CRISP2: variants seen among roughly 807,000 people sequenced by gnomAD.
CRISP2 encodes the protein cysteine-rich secretory protein 2.
CRISP2 carries 29 observed loss-of-function variants against 31.7 expected under a neutral mutation model. The observed-to-expected ratio is 0.92, with a 90% CI of 0.68 to 1.25. CRISP2 has a LOEUF of 1.25. Ranked by LOEUF, CRISP2 falls within the 50% of genes most tolerant of loss-of-function variation. CRISP2 has a pLI of 0.00. For synonymous variants in CRISP2, 111 were observed against 101.4 expected, an observed-to-expected ratio of 1.09 and a Z score of -0.57; for missense variants, 318 against 286.5, an observed-to-expected ratio of 1.11 and a Z score of -0.79.
rs75344936 is a variant in CRISP2, at chr6:49,710,790, T to C, written c.-10+495A>G. On this transcript the variant is annotated intron_variant, in intron 3 of 9. Coordinates refer to ENST00000339139, the MANE Select transcript of CRISP2 (RefSeq NM_003296.4). ...CCTTCTTAACTGTAAAAGAATAAAA[T>C]TAACTTGAGGTCATTCTCAATACAA... is the stretch of plus-strand genomic sequence containing the variant. Among the ~76,000 whole-genome samples the C allele has an allele frequency of 4.5e-3, 679 of 152,266 alleles. 3 individuals are homozygous for C. Among genetic ancestry groups the C allele is most frequent in the Non-Finnish European group, 7.4e-3 (505 of 68,020 alleles).
At chr6:49,692,313 G>A (rs1419395700), downstream of CRISP2, 1 of 152,254 alleles carries the variant, frequency 6.6e-6, no homozygotes, top group African/African-American at 2.4e-5. Flanking sequence ...TTCTTTGTTC[G>A]AAAAGCTGAT....
At chr6:49,682,432 TTC>T in the CRISP2 span, among the ~76,000 whole-genome samples, 1 of 151,952 alleles carries the variant, frequency 6.6e-6, no homozygotes, top group East Asian at 2.0e-4. Context: ...TTTATTTTCT[TTC>T]TCTCTTTCCC....
chr6:49,699,054 G>A (rs1460994001), intron 6 of CRISP2, among the ~76,000 whole-genome samples: 1 of 152,052 alleles, frequency 6.6e-6, no homozygotes, highest in Non-Finnish European at 1.5e-5. Flanking sequence ...GATATCACAA[G>A]CTGAAATCCT....
At position 49,698,517 on chromosome 6, in the gene CRISP2, A is replaced by G. The variant is rs769293163; in HGVS notation, c.272-10T>C. 6.3e-7 allele frequency: 1 copy of G among 1,595,862 alleles called. No individual in the cohort carries two copies. The highest frequency in any genetic ancestry group is 1.9e-5 in the Admixed American group (1 of 53,984). Reference sequence around the variant, plus strand: ...TCACCACATCTTGTACCTAAGGGGCAGATCATTCATGAGCAAGGTAATAAA... The same window carrying G: ...TCACCACATCTTGTACCTAAGGGGCGGATCATTCATGAGCAAGGTAATAAA... On this transcript the variant is annotated splice_polypyrimidine_tract_variant and intron_variant, in intron 6 of 9. Transcript: ENST00000339139.
At chr6:49,677,392 T>G in the CRISP2 span, among the ~76,000 whole-genome samples, 1 of 152,160 alleles carries the variant, frequency 6.6e-6, no homozygotes, top group Non-Finnish European at 1.5e-5. Flanking sequence ...ACTTTTATGA[T>G]TCCTTGTATT....
the CRISP2 span, among the ~76,000 whole-genome samples, chr6:49,684,891 T>G: frequency 1.3e-5 from 2 of 152,212 alleles, no homozygotes; most frequent in Non-Finnish European, 2.9e-5. Context: ...CTGGGTATCC[T>G]TTGGCTCATA....
downstream of CRISP2, among the ~76,000 whole-genome samples, chr6:49,688,312 C>T (rs1763947424): frequency 6.6e-6 from 1 of 152,128 alleles, no homozygotes; most frequent in Non-Finnish European, 1.5e-5. Flanking sequence ...TTATGTGGTG[C>T]TTCTTCTGTT....
At position 49,692,914 on chromosome 6, in the gene CRISP2, A is replaced by G. The variant is rs369082725; in HGVS notation, c.605-14T>C. On this transcript the variant is annotated splice_polypyrimidine_tract_variant and intron_variant, in intron 9 of 9. Coordinates refer to ENST00000339139, the MANE Select transcript of CRISP2 (RefSeq NM_003296.4). ...GGCAACTATTGGCTGTAACAAAAAC[A>G]GATTAGTTAACTCATTATCGTTTTC... 2 of 1,612,156 alleles carry G rather than the reference A, an allele frequency of 1.2e-6. No homozygotes were observed. Among genetic ancestry groups the G allele is most frequent in the African/African-American group, 2.7e-5 (2 of 74,908 alleles).
intron 8 of CRISP2, among the ~76,000 whole-genome samples, chr6:49,696,281 T>C (rs890287844): frequency 1.3e-5 from 2 of 152,004 alleles, no homozygotes; most frequent in East Asian, 1.9e-4. Flanking sequence ...AAACATCCTG[T>C]AGAGGGAAAG....
intron 8 of CRISP2, among the ~76,000 whole-genome samples, chr6:49,696,593 A>G (rs1165367624): frequency 6.6e-6 from 1 of 151,504 alleles, no homozygotes; most frequent in African/African-American, 2.4e-5. Context: ...AAAGTAAAAA[A>G]AAAAAAAAGA....
the CRISP2 span, among the ~76,000 whole-genome samples, chr6:49,680,578 ACT>A: frequency 6.6e-6 from 1 of 152,194 alleles, no homozygotes; most frequent in Non-Finnish European, 1.5e-5. Flanking sequence ...GAATTGCCAC[ACT>A]GTCATCTACA....
At chr6:49,687,798 G>A (rs988982254), downstream of CRISP2, among the ~76,000 whole-genome samples, 1 of 152,180 alleles carries the variant, frequency 6.6e-6, no homozygotes, top group South Asian at 2.1e-4. Context: ...ACTCAGGGGC[G>A]AGGATCAGAA....
Position 49,698,495 on chromosome 6 carries a change from C to G in CRISP2, c.284G>C (p.Gly95Ala). The change falls in exon 7 of 10, where the codon GGT (glycine) becomes GCT (alanine). Residue 95 changes from glycine (G) to alanine (A), a missense_variant. Physicochemically the swap from Gly to Ala is moderately conservative, Grantham distance 60. Coordinates refer to ENST00000339139, the MANE Select transcript of CRISP2 (RefSeq NM_003296.4). The stretch of plus-strand genomic sequence containing the variant: ...GTCACTTGACATATAGAGATTCTCA[C>G]CACATCTTGTACCTAAGGGGCAGAT... ...PEDRKTSTRC[G>A]ENLYMSSDPT... The G allele has an allele frequency of 6.2e-7, 1 of 1,609,106 alleles. No individual in the cohort carries two copies. Among genetic ancestry groups the G allele is most frequent in the Non-Finnish European group, 8.5e-7 (1 of 1,178,452 alleles).
chr6:49,710,940 A>G (rs924039855), intron 3 of CRISP2, among the ~76,000 whole-genome samples: 1 of 152,138 alleles, frequency 6.6e-6, no homozygotes, highest in Non-Finnish European at 1.5e-5. Context: ...ATCAGCCTGG[A>G]AAGCACAGTG....
the CRISP2 span, among the ~76,000 whole-genome samples, chr6:49,686,959 A>T: frequency 2.0e-5 from 3 of 152,082 alleles, no homozygotes; most frequent in Non-Finnish European, 4.4e-5. Flanking sequence ...AAGGACAAAA[A>T]ACCAAACACC....
chr6:49,712,673 CTT>C (rs1366135848), intron 1 of CRISP2, 69 bp from the exon 2 acceptor site: 1 of 152,096 alleles, frequency 6.6e-6, no homozygotes, highest in Non-Finnish European at 1.5e-5. Flanking sequence ...TATCTATAAT[CTT>C]TGTCACAAAC....
chr6:49,703,638 GCT>G (rs1766495424), intron 4 of CRISP2, among the ~76,000 whole-genome samples: 1 of 152,108 alleles, frequency 6.6e-6, no homozygotes, highest in Non-Finnish European at 1.5e-5. Flanking sequence ...TTGGTGTATA[GCT>G]GTACTACTGA....
the CRISP2 span, among the ~76,000 whole-genome samples, chr6:49,686,314 T>C: frequency 6.6e-6 from 1 of 152,230 alleles, no homozygotes; most frequent in South Asian, 2.1e-4. Flanking sequence ...AACATTTTAA[T>C]AAATAATCTT....
At chr6:49,682,042 A>G in the CRISP2 span, among the ~76,000 whole-genome samples, 448 of 152,288 alleles carry the variant, frequency 2.9e-3, 3 homozygotes, top group African/African-American at 0.01. Context: ...GTAGAGTTTA[A>G]AGATCCATCT....
Sources: allele counts gnomAD v4.1 joint callset (sites outside exome capture counted in the v4.1 genomes callset), GRCh38; gene constraint gnomAD v4.1.1; transcripts MANE v1.5; gene names NCBI Gene and HGNC (gene_info 2026-07-23, HGNC 2026-07-21).